PEAK1: variants seen among roughly 807,000 people sequenced by gnomAD.
PEAK1 encodes the protein inactive tyrosine-protein kinase PEAK1.
PEAK1 carries 54 observed loss-of-function variants against 124.7 expected under a neutral mutation model. The ratio of observed to expected loss-of-function variants is 0.43; its 90% CI spans 0.35 to 0.54. The LOEUF is 0.54. Ranked by LOEUF, PEAK1 falls within the 20% of genes least tolerant of loss-of-function variation. The pLI, the probability that PEAK1 is intolerant of heterozygous loss-of-function variation, is 0.01. For synonymous variants in PEAK1, 719 were observed against 760.0 expected (o/e 0.95, Z 0.89); for missense variants, 2,046 against 2,134.5 (o/e 0.96, Z 0.82).
chr15:77,122,895 C>T (rs984590400), intron 9 of PEAK1, among the ~76,000 whole-genome samples: 7 of 152,156 alleles, frequency 4.6e-5, no homozygotes, highest in African/African-American at 1.7e-4. Flanking sequence ...AAATTCCTAC[C>T]AATCATAGTT....
chr15:77,336,314 T>C, intron 2 of PEAK1: 1 of 985,426 alleles, frequency 1.0e-6, no homozygotes, highest in Non-Finnish European at 1.2e-6. Flanking sequence ...CAGAGTTACT[T>C]GCAACGAGGG....
At chr15:77,173,528 C>T (rs990357324) in intron 7 of PEAK1, among the ~76,000 whole-genome samples, 1 of 152,108 alleles carries the variant, frequency 6.6e-6, no homozygotes, top group African/African-American at 2.4e-5. Flanking sequence ...ACTATGGTCA[C>T]CATGCTGTAC....
At chr15:77,184,476 C>T (rs1472572818) in intron 6 of PEAK1, among the ~76,000 whole-genome samples, 3 of 152,096 alleles carry the variant, frequency 2.0e-5, no homozygotes, top group Admixed American at 6.5e-5. Context: ...GGTATTTACC[C>T]AAGATAAATA....
At chr15:77,163,942 G>GT (rs1379890985) in intron 7 of PEAK1, among the ~76,000 whole-genome samples, 1 of 152,154 alleles carries the variant, frequency 6.6e-6, no homozygotes. Context: ...CCAGAGCTGC[G>GT]TATTTCTGGG....
In PEAK1 at chr15:77,236,519, C is replaced by G. The variant is rs187137323; in HGVS notation, c.-115+15848G>C. ...TCCCTCCATTGTAACTTGGAAGGAA[C>G]TAACTTGTTTTTGACTTTACAGGCT... On this transcript the variant is annotated intron_variant, in intron 6 of 9. Coordinates refer to ENST00000682557, the MANE Select transcript of PEAK1 (RefSeq NM_001385026.1). Among the ~76,000 whole-genome samples, 299 of 152,258 alleles carry G rather than the reference C, an allele frequency of 2.0e-3. 2 individuals carry two copies. The highest frequency in any genetic ancestry group is 6.6e-3 in the African/African-American group (276 of 41,552).
intron 2 of PEAK1, chr15:77,335,838 T>C (rs2066165210): frequency 1.0e-6 from 1 of 985,366 alleles, no homozygotes; most frequent in Non-Finnish European, 1.2e-6. Flanking sequence ...TGGTTTCCAA[T>C]CTCCATTTTA....
At chr15:77,202,445 A>T (rs1372724990) in intron 6 of PEAK1, among the ~76,000 whole-genome samples, 1 of 152,136 alleles carries the variant, frequency 6.6e-6, no homozygotes, top group Non-Finnish European at 1.5e-5. Context: ...AAAGTAAACT[A>T]GAGAAAGGAA....
chr15:77,407,637 C>T (rs1040074527), intron 1 of PEAK1, among the ~76,000 whole-genome samples: 10 of 152,096 alleles, frequency 6.6e-5, no homozygotes, highest in African/African-American at 2.4e-4. Flanking sequence ...TGAAAGGGAA[C>T]ACTTTTTACA....
At chr15:77,238,315 TTCTG>T (rs2060210934) in intron 6 of PEAK1, among the ~76,000 whole-genome samples, 1 of 152,152 alleles carries the variant, frequency 6.6e-6, no homozygotes, top group Non-Finnish European at 1.5e-5. Flanking sequence ...TTGCTACTCT[TTCTG>T]TCTATCCTCA....
At chr15:77,400,494 C>A (rs1351943078) in intron 1 of PEAK1, among the ~76,000 whole-genome samples, 1 of 151,968 alleles carries the variant, frequency 6.6e-6, no homozygotes, top group Non-Finnish European at 1.5e-5. Flanking sequence ...AGAATGAGAT[C>A]TTGACATATG....
chr15:77,165,665 T>C (rs1478299240), intron 7 of PEAK1, among the ~76,000 whole-genome samples: 1 of 152,108 alleles, frequency 6.6e-6, no homozygotes, highest in Non-Finnish European at 1.5e-5. Context: ...CCAAAAACAC[T>C]GCAGGCTGAC....
At chr15:77,377,256 T>C (rs560732022) in intron 1 of PEAK1, among the ~76,000 whole-genome samples, 5 of 152,218 alleles carry the variant, frequency 3.3e-5, no homozygotes, top group African/African-American at 1.2e-4. Context: ...TGGTAGCACA[T>C]GCCTGTGGTC....
chr15:77,150,382 T>C (rs891183075), intron 8 of PEAK1, among the ~76,000 whole-genome samples: 3 of 152,286 alleles, frequency 2.0e-5, no homozygotes, highest in Admixed American at 6.5e-5. Flanking sequence ...ATAATAACTC[T>C]TAGGATGGTT....
rs148993543 is a variant in PEAK1 at position 77,416,816 on chromosome 15, T to A, written c.-666+3190A>T. Among the ~76,000 whole-genome samples, 429 of 152,348 alleles carry A rather than the reference T, an allele frequency of 2.8e-3. 1 individual carries two copies. The highest frequency in any genetic ancestry group is 2.2e-3 in the Non-Finnish European group (149 of 68,038). On this transcript the variant is annotated intron_variant, in intron 1 of 9. Coordinates refer to ENST00000682557, the MANE Select transcript of PEAK1 (RefSeq NM_001385026.1). ...TGAAGACAGTATGAAAATGGAAATG[T>A]CATATTTCAATATTACTTTTTATAC...
At position 77,226,068 on chromosome 15, in the gene PEAK1, T is replaced by TATA. The variant is rs1567137721; in HGVS notation, c.-115+26296_-115+26298dup. 2.1e-3 allele frequency among the ~76,000 whole-genome samples: 287 copies of TATA among 136,330 alleles called. 4 individuals are homozygous for TATA. Among genetic ancestry groups the TATA allele is most frequent in the African/African-American group, 7.4e-3 (273 of 36,886 alleles). 89.4% of individuals were successfully genotyped at this position (136,330 alleles called of 152,430 possible). A position where few individuals can be genotyped will look rare whatever the true frequency, so the allele number is the denominator to read the frequency against. ...GGATATATATATATATATATATATA[T>TATA]ATATATATATATATATATATTACAC... On this transcript the variant is annotated intron_variant, in intron 6 of 9. Transcript: ENST00000682557.
chr15:77,264,347 T>C (rs2061603044), intron 5 of PEAK1, among the ~76,000 whole-genome samples: 1 of 152,184 alleles, frequency 6.6e-6, no homozygotes, highest in South Asian at 2.1e-4. Context: ...ATTGTATATC[T>C]AGAAAACCCC....
At chr15:77,121,257 T>C (rs1392006215) in intron 9 of PEAK1, among the ~76,000 whole-genome samples, 1 of 152,078 alleles carries the variant, frequency 6.6e-6, no homozygotes, top group African/African-American at 2.4e-5. Context: ...TTTTTGTCTA[T>C]CTTACAAGCA....
Position 77,143,761 on chromosome 15 carries a change from T to C in PEAK1, c.3332-10011A>G, listed in dbSNP as rs16968683. On this transcript the variant is annotated intron_variant, in intron 8 of 9. Transcript: ENST00000682557. ...GCCCTCAGATAGACCCTGTGAATATTTCTCTGTAAGCACTTACAACCCTTG... is the reference window on the plus strand; with the variant it reads ...GCCCTCAGATAGACCCTGTGAATATCTCTCTGTAAGCACTTACAACCCTTG... 4.7e-3 allele frequency among the ~76,000 whole-genome samples: 713 copies of C among 152,308 alleles called. 4 individuals are homozygous for C. Among genetic ancestry groups the C allele is most frequent in the African/African-American group, 0.016 (661 of 41,568 alleles).
At chr15:77,369,498 T>C (rs561221607) in intron 1 of PEAK1, among the ~76,000 whole-genome samples, 29 of 152,308 alleles carry the variant, frequency 1.9e-4, no homozygotes, top group African/African-American at 6.3e-4. Context: ...GATCAAACTA[T>C]AGCCTAAGAG....
Sources: allele counts gnomAD v4.1 joint callset (sites outside exome capture counted in the v4.1 genomes callset), GRCh38; gene constraint gnomAD v4.1.1; transcripts MANE v1.5; gene names NCBI Gene and HGNC (gene_info 2026-07-23, HGNC 2026-07-21).